Variants in NUMB observed in about 807,000 individuals in gnomAD.
NUMB encodes NUMB endocytic adaptor protein, also known as protein numb homolog.
A neutral mutation model predicts 59.7 loss-of-function variants in NUMB; 29 were observed. The ratio of observed to expected loss-of-function variants is 0.49; its 90% CI spans 0.36 to 0.66. NUMB has a LOEUF of 0.66. NUMB is among the 30% of genes least tolerant of loss of function. NUMB has a pLI of 0.00. For missense variants in NUMB, 723 were observed against 822.0 expected, an observed-to-expected ratio of 0.88 and a Z score of 1.47; for synonymous variants, 288 against 288.2, an observed-to-expected ratio of 1.00 and a Z score of 0.01.
At chr14:73,361,809 A>G (rs984991422) in intron 3 of NUMB, among the ~76,000 whole-genome samples, 4 of 152,184 alleles carry the variant, frequency 2.6e-5, no homozygotes, top group Non-Finnish European at 5.9e-5. Context: ...CTTGAATGAT[A>G]TAAGAACACA....
intron 2 of NUMB, among the ~76,000 whole-genome samples, chr14:73,395,663 G>T (rs1410251056): frequency 1.3e-5 from 2 of 152,012 alleles, no homozygotes; most frequent in African/African-American, 2.4e-5. Flanking sequence ...TTTAAAAGGG[G>T]TTATTCCAGA....
chr14:73,379,693 C>T (rs1895137007), intron 2 of NUMB, among the ~76,000 whole-genome samples: 1 of 152,162 alleles, frequency 6.6e-6, no homozygotes, highest in Admixed American at 6.5e-5. Flanking sequence ...GAAGAGAGCA[C>T]TCCAGGTGGA....
rs1399167547 is a variant in NUMB at position 73,398,407 on chromosome 14, AGAGAGAGAGTGTGTGT to A, written c.-101+11514_-101+11529del. ...GAGACACACACAGAGAGAGAGAGAG[AGAGAGAGAGTGTGTGT>A]GTGTGTGTGTGTGTGTGTGTGTGTG... On this transcript the variant is annotated intron_variant, in intron 2 of 12. Transcript: ENST00000555238. Among the ~76,000 whole-genome samples, 455 of 115,570 alleles carry A rather than the reference AGAGAGAGAGTGTGTGT, an allele frequency of 3.9e-3. 5 individuals carry two copies. Among genetic ancestry groups the A allele is most frequent in the African/African-American group, 0.014 (435 of 30,124 alleles). 75.8% of individuals were successfully genotyped at this position (115,570 alleles called of 152,430 possible).
intron 4 of NUMB, among the ~76,000 whole-genome samples, chr14:73,342,685 G>A (rs1024980561): frequency 2.0e-5 from 3 of 152,070 alleles, no homozygotes; most frequent in African/African-American, 7.2e-5. Context: ...ACCAATAACA[G>A]CAGCAGCAGC....
intron 8 of NUMB, among the ~76,000 whole-genome samples, chr14:73,291,020 A>G (rs1383500495): frequency 1.3e-5 from 2 of 152,050 alleles, no homozygotes; most frequent in East Asian, 1.9e-4. Context: ...AACTTCTATC[A>G]TGCAACAATT....
chr14:73,445,354 C>CAAAAAAAAAAAAAAAAAAAAAAAAA (rs752154048), intron 1 of NUMB, among the ~76,000 whole-genome samples: 1 of 57,576 alleles, frequency 1.7e-5, no homozygotes, highest in Non-Finnish European at 3.3e-5. Context: ...GACCCTGTCT[C>CAAAAAAAAAAAAAAAAAAAAAAAAA]AAAAAAAAAA....
chr14:73,277,919 G>A (rs35663675), intron 12 of NUMB, among the ~76,000 whole-genome samples: 9,512 of 151,660 alleles, frequency 0.063, 736 homozygotes, highest in African/African-American at 0.17. Flanking sequence ...TTAGCTGGGC[G>A]TGGTGGTATG....
At chr14:73,330,138 C>T (rs1021946620) in intron 4 of NUMB, among the ~76,000 whole-genome samples, 1 of 152,136 alleles carries the variant, frequency 6.6e-6, no homozygotes, top group Non-Finnish European at 1.5e-5. Context: ...TCAAGCAATC[C>T]TCCCACCTCA....
At chr14:73,390,176 T>C (rs1303350018) in intron 2 of NUMB, among the ~76,000 whole-genome samples, 1 of 152,166 alleles carries the variant, frequency 6.6e-6, no homozygotes, top group Non-Finnish European at 1.5e-5. Context: ...TTTGTGATAG[T>C]AAAAATTATA....
At chr14:73,308,024 C>T (rs769674676) in intron 6 of NUMB, among the ~76,000 whole-genome samples, 4 of 151,612 alleles carry the variant, frequency 2.6e-5, no homozygotes, top group Non-Finnish European at 4.4e-5. Context: ...TGAGCCACCG[C>T]GCCCGGCCGG....
intron 4 of NUMB, among the ~76,000 whole-genome samples, chr14:73,334,523 C>T (rs374500553): frequency 6.6e-6 from 1 of 152,190 alleles, no homozygotes; most frequent in African/African-American, 2.4e-5. Flanking sequence ...GATAAAGAGA[C>T]AGTTTTTGGT....
At chr14:73,313,523 T>G (rs1417121691) in intron 6 of NUMB, among the ~76,000 whole-genome samples, 1 of 150,236 alleles carries the variant, frequency 6.7e-6, no homozygotes, top group Non-Finnish European at 1.5e-5. Context: ...TATAAAATTA[T>G]TACTAAAATT....
At chr14:73,428,460 TCCA>T (rs1897679685) in intron 1 of NUMB, among the ~76,000 whole-genome samples, 1 of 152,096 alleles carries the variant, frequency 6.6e-6, no homozygotes, top group South Asian at 2.1e-4. Context: ...ACCAGTGAGG[TCCA>T]CCACCTTCTC....
chr14:73,332,046 T>C (rs1892009223), intron 4 of NUMB, among the ~76,000 whole-genome samples: 1 of 152,114 alleles, frequency 6.6e-6, no homozygotes, highest in South Asian at 2.1e-4. Context: ...ATTTCAATTT[T>C]TTCTAGGAGG....
chr14:73,399,401 T>C (rs923415363), intron 2 of NUMB, among the ~76,000 whole-genome samples: 3 of 152,004 alleles, frequency 2.0e-5, no homozygotes, highest in African/African-American at 4.8e-5. Flanking sequence ...CTGTCTCTAC[T>C]AAAAATACAA....
intron 2 of NUMB, among the ~76,000 whole-genome samples, chr14:73,376,544 A>T (rs1894957608): frequency 6.6e-6 from 1 of 151,800 alleles, no homozygotes; most frequent in African/African-American, 2.4e-5. Context: ...AAAAAAAACA[A>T]GTAAAAATAA....
chr14:73,413,107 CAG>C (rs1288110752), intron 1 of NUMB, among the ~76,000 whole-genome samples: 2 of 151,254 alleles, frequency 1.3e-5, no homozygotes, highest in Non-Finnish European at 2.9e-5. Context: ...TTTTTTGAGA[CAG>C]AGTCTTGCTC....
intron 10 of NUMB, among the ~76,000 whole-genome samples, chr14:73,283,173 G>C (rs1191153288): frequency 6.6e-6 from 1 of 152,200 alleles, no homozygotes; most frequent in Non-Finnish European, 1.5e-5. Context: ...TTGCTCATCT[G>C]TAAAGAGAAT....
At chr14:73,314,367 A>G (rs1890961943) in intron 6 of NUMB, among the ~76,000 whole-genome samples, 1 of 152,156 alleles carries the variant, frequency 6.6e-6, no homozygotes, top group African/African-American at 2.4e-5. Flanking sequence ...AAACTGGAGA[A>G]TTATTATTTT....
Sources: gnomAD v4.1 joint callset for allele counts (sites outside exome capture counted in the v4.1 genomes callset) on GRCh38, gnomAD v4.1.1 for gene constraint, MANE v1.5 for transcripts, NCBI Gene and HGNC (gene_info 2026-07-23, HGNC 2026-07-21) for gene names.